Variants in SEPTIN7 observed in about 807,000 individuals in gnomAD.
The protein encoded by SEPTIN7 is septin 7.
A neutral mutation model predicts 63.3 loss-of-function variants in SEPTIN7; 10 were observed. That is an observed-to-expected ratio of 0.16 (90% CI 0.10 to 0.27). The LOEUF is 0.27. Among genes scored for constraint, SEPTIN7 ranks in the 10% least tolerant of loss-of-function variants. The pLI is 1.00. For synonymous variants in SEPTIN7, 131 were observed against 165.3 expected (o/e 0.79, Z 1.59); for missense variants, 310 against 521.0 (o/e 0.59, Z 3.94).
chr7:35,831,117 A>T (rs1230393636), intron 1 of SEPTIN7, among the ~76,000 whole-genome samples: 1 of 152,064 alleles, frequency 6.6e-6, no homozygotes, highest in African/African-American at 2.4e-5. Context: ...ATACTTTTGT[A>T]TCTTTTCTAC....
chr7:35,801,280 A>G lies in SEPTIN7; in HGVS notation c.61+10A>G. 8 of 1,373,986 alleles carry G rather than the reference A, an allele frequency of 5.8e-6. No homozygotes were observed. The highest frequency in any genetic ancestry group is 7.5e-6 in the Non-Finnish European group (8 of 1,069,500). The allele number at this position is 1,373,986 out of a possible 1,614,324, so 85.1% of individuals were successfully genotyped here. A position where few individuals can be genotyped will look rare whatever the true frequency, so the allele number is the denominator to read the frequency against. On this transcript the variant is annotated intron_variant, in intron 1 of 13. Coordinates refer to ENST00000350320, the MANE Select transcript of SEPTIN7 (RefSeq NM_001788.6). ...AACAGCAGCACCATGGGTGAGTCTC[A>G]GCTTCGGGTGCCGCGACTTGGGGTC...
At chr7:35,858,895 G>GT (rs1785355192) in intron 3 of SEPTIN7, among the ~76,000 whole-genome samples, 1 of 149,688 alleles carries the variant, frequency 6.7e-6, no homozygotes, top group South Asian at 2.1e-4. Context: ...GGTCAGGCTG[G>GT]TCTTGAACTC....
At chr7:35,849,227 T>G (rs1463561794) in intron 3 of SEPTIN7, among the ~76,000 whole-genome samples, 1 of 152,208 alleles carries the variant, frequency 6.6e-6, no homozygotes, top group Non-Finnish European at 1.5e-5. Flanking sequence ...ATGTATCTAA[T>G]GTAGTCTAGA....
intron 7 of SEPTIN7, among the ~76,000 whole-genome samples, chr7:35,880,865 T>C (rs1786833669): frequency 6.6e-6 from 1 of 152,208 alleles, no homozygotes; most frequent in African/African-American, 2.4e-5. Flanking sequence ...GTCACACATA[T>C]TTCTAATTTA....
At chr7:35,831,438 T>G (rs1383401596) in intron 1 of SEPTIN7, 54 bp from the exon 2 acceptor site, 2 of 448,890 alleles carry the variant, frequency 4.5e-6, no homozygotes, top group African/African-American at 4.1e-5. Flanking sequence ...CTCTGTGGAT[T>G]TCTTCTGTTG....
rs1788502406 is a variant in SEPTIN7, at chr7:35,904,443, T to G, written c.*150T>G. On this transcript the variant is annotated 3_prime_UTR_variant, in exon 14 of 14. Transcript: ENST00000350320. Reference sequence around the variant, plus strand: ...CAAAAATTATTTTTTTTTTTGTTCTTGATGGAGATTAAGATGCCTTGAATT... The same window carrying G: ...CAAAAATTATTTTTTTTTTTGTTCTGGATGGAGATTAAGATGCCTTGAATT... The G allele has an allele frequency of 1.8e-6, 1 of 551,000 alleles. No homozygotes were observed. The highest frequency in any genetic ancestry group is 3.2e-5 in the East Asian group (1 of 31,128). The allele number at this position is 551,000 out of a possible 1,614,324, so 34.1% of individuals were successfully genotyped here. A position where few individuals can be genotyped will look rare whatever the true frequency, so the allele number is the denominator to read the frequency against.
At chr7:35,877,874 TC>T (rs1392444646) in intron 6 of SEPTIN7, among the ~76,000 whole-genome samples, 1 of 152,168 alleles carries the variant, frequency 6.6e-6, no homozygotes, top group African/African-American at 2.4e-5. Context: ...ATACAGATGC[TC>T]CTCAACTTGG....
chr7:35,843,926 A>G (rs1330261234), intron 3 of SEPTIN7, among the ~76,000 whole-genome samples: 2 of 152,190 alleles, frequency 1.3e-5, no homozygotes, highest in Non-Finnish European at 2.9e-5. Flanking sequence ...TTGATTGTGA[A>G]GAGTTCATTC....
intron 8 of SEPTIN7, 24 bp downstream of exon 8, chr7:35,882,600 C>G: frequency 7.5e-7 from 1 of 1,335,488 alleles, no homozygotes; most frequent in Non-Finnish European, 9.7e-7. Context: ...TGTACACACG[C>G]TAAAGTAATC....
At chr7:35,817,239 G>A (rs1203879532) in intron 1 of SEPTIN7, among the ~76,000 whole-genome samples, 1 of 151,988 alleles carries the variant, frequency 6.6e-6, no homozygotes, top group Non-Finnish European at 1.5e-5. Context: ...TGTATGGCGT[G>A]AGATAGGAGT....
intron 1 of SEPTIN7, among the ~76,000 whole-genome samples, chr7:35,814,469 T>A (rs2115735162): frequency 6.8e-6 from 1 of 148,002 alleles, no homozygotes. Flanking sequence ...AGGTTATTTG[T>A]CTTAATGAAT....
At chr7:35,885,979 A>G (rs1787216213) in intron 10 of SEPTIN7, 100 bp downstream of exon 10, 1 of 753,470 alleles carries the variant, frequency 1.3e-6, no homozygotes, top group Non-Finnish European at 2.2e-6. Flanking sequence ...GCTAATTTAA[A>G]TTTATATCTT....
intron 6 of SEPTIN7, among the ~76,000 whole-genome samples, chr7:35,874,753 C>T (rs1338413071): frequency 4.6e-5 from 7 of 152,078 alleles, no homozygotes; most frequent in Admixed American, 4.6e-4. Context: ...TATATGTTTG[C>T]ACTGCCAGAT....
At chr7:35,826,080 A>T in intron 1 of SEPTIN7, among the ~76,000 whole-genome samples, 1 of 152,096 alleles carries the variant, frequency 6.6e-6, no homozygotes, top group East Asian at 1.9e-4. Context: ...ATATTATATT[A>T]AATCTAGAAT....
intron 10 of SEPTIN7, among the ~76,000 whole-genome samples, chr7:35,889,814 G>A (rs1193595105): frequency 6.6e-6 from 1 of 152,170 alleles, no homozygotes; most frequent in African/African-American, 2.4e-5. Flanking sequence ...AAAGTGTTGG[G>A]ATTACAGGTG....
rs185690710 is a variant in SEPTIN7, at chr7:35,823,969, G to C, written c.62-7523G>C. 5.4e-4 allele frequency among the ~76,000 whole-genome samples: 79 copies of C among 147,542 alleles called. No individual in the cohort carries two copies. The Middle Eastern group carries it at 0.014, about 26-fold the overall frequency. ...CCTTACTTAACTTTGTCTGCTACTT[G>C]GTGTTTTCTATTAGCATTCACACAA... is the stretch of plus-strand genomic sequence containing the variant. On this transcript the variant is annotated intron_variant, in intron 1 of 13. Transcript: ENST00000350320.
intron 3 of SEPTIN7, among the ~76,000 whole-genome samples, chr7:35,851,431 C>T (rs1784954399): frequency 6.6e-6 from 1 of 151,960 alleles, no homozygotes; most frequent in African/African-American, 2.4e-5. Flanking sequence ...GTAAAATAGG[C>T]ATTAATTTGG....
chr7:35,825,023 A>G (rs1283897761), intron 1 of SEPTIN7, among the ~76,000 whole-genome samples: 2 of 152,216 alleles, frequency 1.3e-5, no homozygotes, highest in East Asian at 1.9e-4. Context: ...GTTCTAACCT[A>G]TATTTCTCTT....
chr7:35,872,800 C>A, intron 5 of SEPTIN7, 34 bp downstream of exon 5: 2 of 1,413,008 alleles, frequency 1.4e-6, no homozygotes, highest in Non-Finnish European at 1.0e-6. Context: ...CTTTGCAGTG[C>A]ATTTGGGGTA....
Sources: gnomAD v4.1 joint callset for allele counts (sites outside exome capture counted in the v4.1 genomes callset) on GRCh38, gnomAD v4.1.1 for gene constraint, MANE v1.5 for transcripts, NCBI Gene and HGNC (gene_info 2026-07-23, HGNC 2026-07-21) for gene names.